Variants in ODAD4 observed in about 807,000 individuals in gnomAD.
ODAD4 encodes outer dynein arm docking complex subunit 4.
In ODAD4, 49 loss-of-function variants were observed where a neutral mutation model predicts 51.8. The observed-to-expected ratio is 0.95, with a 90% CI of 0.75 to 1.20. ODAD4 has a LOEUF of 1.20. Among genes scored for constraint, ODAD4 ranks in the 50% most tolerant of loss-of-function variants. The pLI is 0.00. For synonymous variants in ODAD4, 235 were observed against 221.3 expected (o/e 1.06, Z -0.55); for missense variants, 590 against 586.5 (o/e 1.01, Z -0.06).
rs193239234 is a variant in ODAD4, at chr17:41,937,573, C to T, written c.625+646C>T. ...GCCACCTCCACCTCCTGGGTTAAAG[C>T]GATTCTCCTGCCTCAGCCTCCCTAG... On this transcript the variant is annotated intron_variant, in intron 5 of 11. Coordinates refer to ENST00000377540, the MANE Select transcript of ODAD4 (RefSeq NM_031421.5). 1.8e-3 allele frequency among the ~76,000 whole-genome samples: 271 copies of T among 152,240 alleles called. 2 individuals carry two copies. The highest frequency in any genetic ancestry group is 0.016 in the Admixed American group (238 of 15,290).
chr17:41,957,703 C>T (rs941553540), intron 10 of ODAD4, among the ~76,000 whole-genome samples: 5 of 152,228 alleles, frequency 3.3e-5, no homozygotes, highest in African/African-American at 1.2e-4. Context: ...CTCCAGCTTC[C>T]TGCTGGTCAG....
chr17:41,966,415 A>G lies in ODAD4; in HGVS notation c.*932A>G, dbSNP rs1245067751. On this transcript the variant is annotated 3_prime_UTR_variant, in exon 12 of 12. Transcript: ENST00000377540. The stretch of plus-strand genomic sequence containing the variant: ...AATTGCATGATAATATTTTAATCCA[A>G]TGTGGTAAAAAAAAAAGTTTTTAAT... Among the ~76,000 whole-genome samples the G allele has an allele frequency of 6.6e-6, 1 of 152,146 alleles. No individual in the cohort carries two copies. Among genetic ancestry groups the G allele is most frequent in the Non-Finnish European group, 1.5e-5 (1 of 68,026 alleles).
In ODAD4 at chr17:41,936,928, G is replaced by C. The variant is rs781893856; in HGVS notation, c.625+1G>C. 14 of 1,613,082 alleles carry C rather than the reference G, an allele frequency of 8.7e-6. No individual in the cohort carries two copies. The highest frequency in any genetic ancestry group is 1.1e-5 in the Non-Finnish European group (13 of 1,179,130). The stretch of plus-strand genomic sequence containing the variant: ...TTGGAGAAGCTCCTATTGGATGAAG[G>C]TTTCGGACACTTTGTTGGCACGGGG... On this transcript the variant is annotated splice_donor_variant, in intron 5 of 11. Transcript: ENST00000377540. LOFTEE classifies it high-confidence loss of function.
chr17:41,937,144 C>T (rs2050440939), intron 5 of ODAD4: 5 of 531,602 alleles, frequency 9.4e-6, no homozygotes, highest in South Asian at 9.2e-5. Flanking sequence ...GGCTTATATT[C>T]GAATCCAGGA....
At position 41,961,471 on chromosome 17, in the gene ODAD4, G is replaced by A. The variant is rs1207080318; in HGVS notation, c.1528+5G>A. On this transcript the variant is annotated splice_donor_5th_base_variant and intron_variant, in intron 11 of 11. Coordinates refer to ENST00000377540, the MANE Select transcript of ODAD4 (RefSeq NM_031421.5). ...TCAAAGAAAAAAGCGAGGGAGGTGA[G>A]TTCCTGAAACTCTGAAAAGGCAACT... The A allele has an allele frequency of 1.4e-6, 1 of 723,704 alleles. No individual in the cohort carries two copies. The highest frequency in any genetic ancestry group is 1.7e-5 in the African/African-American group (1 of 57,408). The allele number at this position is 723,704 out of a possible 1,614,324, so 44.8% of individuals were successfully genotyped here. A position where few individuals can be genotyped will look rare whatever the true frequency, so the allele number is the denominator to read the frequency against.
intron 8 of ODAD4, among the ~76,000 whole-genome samples, chr17:41,945,481 C>T (rs1222710680): frequency 6.6e-6 from 1 of 152,016 alleles, no homozygotes; most frequent in Non-Finnish European, 1.5e-5. Context: ...TACTGCACTC[C>T]AGCCTAGACA....
intron 9 of ODAD4, among the ~76,000 whole-genome samples, chr17:41,951,679 T>C (rs62076888): frequency 0.67 from 101,060 of 150,398 alleles, 35,276 homozygotes; most frequent in East Asian, 0.83. Flanking sequence ...AGGTCAGGAG[T>C]TTGGTACCAG....
intron 11 of ODAD4, among the ~76,000 whole-genome samples, chr17:41,962,704 C>T (rs550497163): frequency 1.3e-5 from 2 of 152,322 alleles, no homozygotes; most frequent in African/African-American, 4.8e-5. Context: ...CTAGAACCCA[C>T]GCGTCGGCCC....
intron 9 of ODAD4, among the ~76,000 whole-genome samples, chr17:41,952,892 C>A (rs1328119295): frequency 6.6e-6 from 1 of 151,952 alleles, no homozygotes; most frequent in Non-Finnish European, 1.5e-5. Flanking sequence ...GTGCATGCCA[C>A]CATGCCTGGC....
Position 41,932,712 on chromosome 17 carries a change from T to C in ODAD4, c.114+1875T>C, listed in dbSNP as rs187273836. On this transcript the variant is annotated intron_variant, in intron 1 of 11. Transcript: ENST00000377540. Reference sequence around the variant, plus strand: ...GGCTTATGCCACCACGCCTGGCTAATTTTTTCTTTTCTTCTTTTTTTTTTT... The same window carrying C: ...GGCTTATGCCACCACGCCTGGCTAACTTTTTCTTTTCTTCTTTTTTTTTTT... Among the ~76,000 whole-genome samples, 538 of 138,700 alleles carry C rather than the reference T, an allele frequency of 3.9e-3. 6 individuals carry two copies. The highest frequency in any genetic ancestry group is 0.014 in the African/African-American group (520 of 38,446). 91.0% of individuals were successfully genotyped at this position (138,700 alleles called of 152,430 possible).
intron 11 of ODAD4, among the ~76,000 whole-genome samples, chr17:41,962,139 G>A (rs543111261): frequency 6.6e-6 from 1 of 152,302 alleles, no homozygotes; most frequent in African/African-American, 2.4e-5. Flanking sequence ...GATCTTGTTG[G>A]GTCTTTACCC....
At chr17:41,953,705 T>C (rs2144526269) in intron 9 of ODAD4, among the ~76,000 whole-genome samples, 1 of 152,102 alleles carries the variant, frequency 6.6e-6, no homozygotes. Context: ...TCTCACTCTG[T>C]CACCCAGGCT....
rs782536156 is a variant in ODAD4 at position 41,935,656 on chromosome 17, G to A, written c.304G>A (p.Val102Ile). ...YTMGDFEFAL[V>I]FYHRGYKLRP... ...CATGGGAGACTTTGAGTTTGCCTTG[G>A]TATTCTATCATCGAGGCTACAAGCT... Residue 102 changes from valine to isoleucine, a missense_variant, in exon 3 of 12, where the codon GTA becomes ATA. Val to Ile is a conservative substitution (Grantham distance 29). Around this residue, in one of 3 missense-constraint regions of ODAD4, gnomAD observed 360 missense variants for 407.5 expected, o/e 0.88. Transcript: ENST00000377540. 70 of 1,613,474 alleles carry A rather than the reference G, an allele frequency of 4.3e-5. No individual in the cohort carries two copies. Among genetic ancestry groups the A allele is most frequent in the Non-Finnish European group, 5.6e-5 (66 of 1,179,740 alleles).
chr17:41,944,444 A>ACCC (rs10578034), intron 7 of ODAD4, among the ~76,000 whole-genome samples: 623 of 19,012 alleles, frequency 0.033, 9 homozygotes, highest in Non-Finnish European at 0.044. Flanking sequence ...ACACACACAC[A>ACCC]CCCCCCCGCA....
rs1235811446 is a variant in ODAD4, at chr17:41,935,184, G to A, written c.115-33G>A. ...CTCCAGCTTCTACCTTGCTCTTCATGCTGGCTGTCAACCTGACTGGTTTCT... is the reference window on the plus strand; with the variant it reads ...CTCCAGCTTCTACCTTGCTCTTCATACTGGCTGTCAACCTGACTGGTTTCT... On this transcript the variant is annotated intron_variant, in intron 1 of 11. Coordinates refer to ENST00000377540, the MANE Select transcript of ODAD4 (RefSeq NM_031421.5). 5 of 1,613,020 alleles carry A rather than the reference G, an allele frequency of 3.1e-6. No individual in the cohort carries two copies. The Admixed American group carries it at 8.3e-5, about 27-fold the overall frequency.
chr17:41,946,266 G>C (rs10852949), intron 8 of ODAD4, among the ~76,000 whole-genome samples: 133,792 of 152,294 alleles, frequency 0.88, 59,213 homozygotes, highest in East Asian at 1. Flanking sequence ...AGTGCGACAG[G>C]TGTGGACCAT....
chr17:41,939,452 C>T (rs936704569), intron 7 of ODAD4, among the ~76,000 whole-genome samples: 4 of 152,174 alleles, frequency 2.6e-5, no homozygotes, highest in Non-Finnish European at 4.4e-5. Context: ...ATCAGCTTAA[C>T]GAGCATGCAT....
chr17:41,931,031 C>CT (rs2050326857), intron 1 of ODAD4, among the ~76,000 whole-genome samples, 194 bp downstream of exon 1: 1 of 151,758 alleles, frequency 6.6e-6, no homozygotes, highest in Admixed American at 6.6e-5. Flanking sequence ...GTAGCTGGGA[C>CT]TACAGGCGCG....
Position 41,935,293 on chromosome 17 carries a change from A to G in ODAD4, c.191A>G (p.Glu64Gly). The change falls in exon 2 of 12, where the codon GAG (glutamate) becomes GGG (glycine). Residue 64 changes from glutamate to glycine, a missense_variant. Physicochemically the swap from Glu to Gly is moderately conservative, Grantham distance 98. Around this residue, in one of 3 missense-constraint regions of ODAD4, gnomAD observed 360 missense variants for 407.5 expected, o/e 0.88. Transcript: ENST00000377540. ...SKCFLKMGDL[E>G]RSLKDAEASL... Reference sequence around the variant, plus strand: ...TGCTTCCTGAAGATGGGAGACTTGGAGAGATCCCTGAAGGATGCTGAGGCT... The same window carrying G: ...TGCTTCCTGAAGATGGGAGACTTGGGGAGATCCCTGAAGGATGCTGAGGCT... The G allele has an allele frequency of 6.2e-7, 1 of 1,614,010 alleles. No individual in the cohort carries two copies.
Sources: allele counts gnomAD v4.1 joint callset (sites outside exome capture counted in the v4.1 genomes callset), GRCh38; gene constraint gnomAD v4.1.1; regional missense constraint gnomAD v4.1.1; transcripts MANE v1.5; gene names NCBI Gene and HGNC (gene_info 2026-07-23, HGNC 2026-07-21).